MED9: variants seen among roughly 807,000 people sequenced by gnomAD.
MED9 encodes mediator of RNA polymerase II transcription subunit 9.
MED9 carries 8 observed loss-of-function variants against 13.2 expected under a neutral mutation model. That is an observed-to-expected ratio of 0.61 (90% CI 0.36 to 1.10). The LOEUF is 1.10. MED9 is among the 50% of genes least tolerant of loss of function. MED9 has a pLI of 0.02. For synonymous variants in MED9, 87 were observed against 82.8 expected, an observed-to-expected ratio of 1.05 and a Z score of -0.28; for missense variants, 180 against 193.4, an observed-to-expected ratio of 0.93 and a Z score of 0.41.
chr17:17,488,836 AAAAAAAAG>A (rs1905183193), intron 1 of MED9, among the ~76,000 whole-genome samples: 3 of 152,104 alleles, frequency 2.0e-5, no homozygotes, highest in Admixed American at 6.5e-5. Context: ...TGTCTCAAAA[AAAAAAAAG>A]AAAAAAAGAA....
rs2142478652 is a variant in MED9, at chr17:17,491,420, G to A, written c.366G>A (p.Arg122=). The change falls in exon 2 of 2, where the codon CGG becomes CGA. Residue 122 remains arginine (R), a synonymous_variant. Transcript: ENST00000268711. ...AGCAGCAGCAGCTGCAGAGCCTCCG[G>A]GAGCAAGTCAGGACCAAGAATGAGC... is the stretch of plus-strand genomic sequence containing the variant. The part of the protein sequence containing the change: ...EQQQQQLQSL[R]EQVRTKNELL... 3 of 1,614,062 alleles carry A rather than the reference G, an allele frequency of 1.9e-6. No individual in the cohort carries two copies. The East Asian group carries it at 6.7e-5, about 36-fold the overall frequency.
intron 1 of MED9, chr17:17,485,374 C>T (rs1170492888): frequency 1.5e-5 from 6 of 398,364 alleles, no homozygotes; most frequent in Non-Finnish European, 2.7e-5. Context: ...CGTGAGCCAC[C>T]GGCCGCCATC....
At chr17:17,485,521 A>T in intron 1 of MED9, 1 of 389,924 alleles carries the variant, frequency 2.6e-6, no homozygotes, top group Non-Finnish European at 4.5e-6. Flanking sequence ...TCTAGAGGAG[A>T]TGGAGCTGGC....
chr17:17,491,654 C>A lies in MED9; in HGVS notation c.*159C>A. On this transcript the variant is annotated 3_prime_UTR_variant, in exon 2 of 2. Coordinates refer to ENST00000268711, the MANE Select transcript of MED9 (RefSeq NM_018019.3). ...TGCTGCTGCGCGCGCTTCGCCTGTG[C>A]GGGAGCCAGCGCAGAGCTTGGCTGC... The A allele has an allele frequency of 1.5e-6, 1 of 688,842 alleles. No individual in the cohort carries two copies. The highest frequency in any genetic ancestry group is 2.4e-6 in the Non-Finnish European group (1 of 412,058). 42.7% of individuals were successfully genotyped at this position (688,842 alleles called of 1,614,324 possible). A position where few individuals can be genotyped will look rare whatever the true frequency, so the allele number is the denominator to read the frequency against.
At chr17:17,478,559 T>C (rs544496072) in intron 1 of MED9, among the ~76,000 whole-genome samples, 63 of 152,298 alleles carry the variant, frequency 4.1e-4, no homozygotes, top group African/African-American at 1.4e-3. Context: ...TCACTTGGTG[T>C]TTAAATACTG....
chr17:17,482,105 C>T (rs1304184631), intron 1 of MED9, among the ~76,000 whole-genome samples: 2 of 152,168 alleles, frequency 1.3e-5, no homozygotes, highest in East Asian at 1.9e-4. Flanking sequence ...AACGTGCTGT[C>T]GTTTATGTAA....
In MED9 at chr17:17,492,553, G is replaced by A. The variant is rs1158742535; in HGVS notation, c.*1058G>A. 1 of 152,288 alleles carries A rather than the reference G, an allele frequency of 6.6e-6. No homozygotes were observed. Among genetic ancestry groups the A allele is most frequent in the East Asian group, 1.9e-4 (1 of 5,204 alleles). The allele number at this position is 152,288 out of a possible 1,614,324, so 9.4% of individuals were successfully genotyped here. ...TTGAGCTCTTAAAAGTTGATGAACA[G>A]CCTCATTTCCCCAGCTTCCCTGATT... On this transcript the variant is annotated 3_prime_UTR_variant, in exon 2 of 2. Coordinates refer to ENST00000268711, the MANE Select transcript of MED9 (RefSeq NM_018019.3).
At chr17:17,477,630 A>C (rs1904947645) in intron 1 of MED9, 2 of 195,530 alleles carry the variant, frequency 1.0e-5, no homozygotes, top group South Asian at 2.7e-4. Flanking sequence ...TAGTTCAGCA[A>C]ACTCAACAGA....
intron 1 of MED9, among the ~76,000 whole-genome samples, chr17:17,482,038 C>T (rs1567635803): frequency 6.6e-6 from 1 of 152,126 alleles, no homozygotes; most frequent in Non-Finnish European, 1.5e-5. Flanking sequence ...GGAAACAGGG[C>T]CTCTCCCTTC....
chr17:17,478,398 A>G (rs1415506517), intron 1 of MED9, among the ~76,000 whole-genome samples: 2 of 152,242 alleles, frequency 1.3e-5, no homozygotes, highest in African/African-American at 4.8e-5. Context: ...GAATTGTTAC[A>G]ACGTGAAGGT....
chr17:17,490,359 C>T (rs1191992172), intron 1 of MED9, among the ~76,000 whole-genome samples: 5 of 152,282 alleles, frequency 3.3e-5, no homozygotes, highest in South Asian at 4.1e-4. Context: ...TTGCTTGAAC[C>T]GGGACCCGGG....
At chr17:17,484,142 T>C (rs1369831479) in intron 1 of MED9, among the ~76,000 whole-genome samples, 7 of 152,148 alleles carry the variant, frequency 4.6e-5, no homozygotes, top group Non-Finnish European at 2.9e-5. Context: ...TGAATCTGAG[T>C]TTGGAATGAA....
At chr17:17,478,909 C>T (rs1904977503) in intron 1 of MED9, among the ~76,000 whole-genome samples, 1 of 151,816 alleles carries the variant, frequency 6.6e-6, no homozygotes. Context: ...ATTCAGTTTT[C>T]GTGAGCCTGT....
At chr17:17,489,298 CTTGCTATTT>C in intron 1 of MED9, among the ~76,000 whole-genome samples, 1 of 152,328 alleles carries the variant, frequency 6.6e-6, no homozygotes, top group Middle Eastern at 3.4e-3. Context: ...ACACGCAACC[CTTGCTATTT>C]GGGGGTTTTC....
Position 17,491,147 on chromosome 17 carries a change from A to G in MED9, c.225-132A>G, listed in dbSNP as rs532935650. ...CCCTCTGGGGGTGGACAGCCTAGTC[A>G]GGGGATAGACACATAAAACGAAGTG... On this transcript the variant is annotated intron_variant, in intron 1 of 1. Coordinates refer to ENST00000268711, the MANE Select transcript of MED9 (RefSeq NM_018019.3). The G allele has an allele frequency of 7.3e-3, 6,163 of 842,530 alleles. 41 individuals carry two copies. The highest frequency in any genetic ancestry group is 9.2e-3 in the Non-Finnish European group (4,850 of 529,106). 52.2% of individuals were successfully genotyped at this position (842,530 alleles called of 1,614,324 possible). A position where few individuals can be genotyped will look rare whatever the true frequency, so the allele number is the denominator to read the frequency against.
At chr17:17,485,314 G>A in intron 1 of MED9, 1 of 398,586 alleles carries the variant, frequency 2.5e-6, no homozygotes, top group Non-Finnish European at 4.4e-6. Context: ...GACGGGGCTG[G>A]CCTCAAGTGA....
intron 1 of MED9, among the ~76,000 whole-genome samples, chr17:17,478,397 C>A (rs1044734221): frequency 3.3e-5 from 5 of 152,196 alleles, no homozygotes; most frequent in South Asian, 2.1e-4. Context: ...GGAATTGTTA[C>A]AACGTGAAGG....
At chr17:17,478,414 C>T (rs1779711526) in intron 1 of MED9, among the ~76,000 whole-genome samples, 1 of 152,228 alleles carries the variant, frequency 6.6e-6, no homozygotes, top group Non-Finnish European at 1.5e-5. Context: ...AAGGTCTTGA[C>T]TGTTAGTGGC....
In MED9 at chr17:17,493,018, C is replaced by G. The variant is rs1240647085; in HGVS notation, c.*1523C>G. 3.3e-5 allele frequency: 5 copies of G among 152,128 alleles called. No individual in the cohort carries two copies. Among genetic ancestry groups the G allele is most frequent in the Admixed American group, 6.5e-5 (1 of 15,268 alleles). The allele number at this position is 152,128 out of a possible 1,614,324, so 9.4% of individuals were successfully genotyped here. ...TGAAATTTCACAGTAGTGGGTGGGC[C>G]TGTTTTAAGGCTCTGACAGATACCA... On this transcript the variant is annotated 3_prime_UTR_variant, in exon 2 of 2. Coordinates refer to ENST00000268711, the MANE Select transcript of MED9 (RefSeq NM_018019.3).
Sources: allele counts gnomAD v4.1 joint callset (sites outside exome capture counted in the v4.1 genomes callset), GRCh38; gene constraint gnomAD v4.1.1; transcripts MANE v1.5; gene names NCBI Gene and HGNC (gene_info 2026-07-23, HGNC 2026-07-21).